CNTNAP2: variants seen among roughly 807,000 people sequenced by gnomAD.
CNTNAP2 encodes contactin associated protein 2.
A neutral mutation model predicts 155.2 loss-of-function variants in CNTNAP2; 98 were observed. The observed-to-expected ratio is 0.63, with a 90% CI of 0.54 to 0.75. The LOEUF (loss-of-function observed/expected upper bound fraction) is 0.75. Among genes scored for constraint, CNTNAP2 ranks in the 30% least tolerant of loss-of-function variants. The probability of loss-of-function intolerance (pLI) is 0.00; values close to 1 mark genes in which losing one functional copy is unlikely to be tolerated. For synonymous variants in CNTNAP2, 651 were observed against 631.2 expected (o/e 1.03, Z -0.47); for missense variants, 1,727 against 1,688.1 (o/e 1.02, Z -0.40).
At chr7:148,035,806 C>T (rs769161025) in intron 15 of CNTNAP2, among the ~76,000 whole-genome samples, 10 of 152,188 alleles carry the variant, frequency 6.6e-5, no homozygotes, top group Non-Finnish European at 1.3e-4. Flanking sequence ...AAACTCCAAC[C>T]CATGAGAGCT....
intron 13 of CNTNAP2, among the ~76,000 whole-genome samples, chr7:147,686,720 G>A (rs1796022026): frequency 6.6e-6 from 1 of 151,944 alleles, no homozygotes; most frequent in Non-Finnish European, 1.5e-5. Flanking sequence ...GAGGACTGAT[G>A]TTTCTGCTAA....
At chr7:146,652,832 G>A (rs547262174) in intron 1 of CNTNAP2, among the ~76,000 whole-genome samples, 1 of 152,192 alleles carries the variant, frequency 6.6e-6, no homozygotes, top group East Asian at 1.9e-4. Flanking sequence ...GGAAAAAGAA[G>A]GCAACTGTAT....
At position 147,895,030 on chromosome 7, in the gene CNTNAP2, G is replaced by A. The variant is rs1051839691; in HGVS notation, c.2099-8535G>A. Among the ~76,000 whole-genome samples, 3 of 129,268 alleles carry A rather than the reference G, an allele frequency of 2.3e-5. No individual in the cohort carries two copies. In the Admixed American group the frequency reaches 2.8e-4, roughly 12 times the overall value. The allele number at this position is 129,268 out of a possible 152,430, so 84.8% of individuals were successfully genotyped here. Reference sequence around the variant, plus strand: ...CTGTCGCCCAGGCTGGAGTGCAGTGGCACAATCTCAGCTCACTGCAAACTC... The same window carrying A: ...CTGTCGCCCAGGCTGGAGTGCAGTGACACAATCTCAGCTCACTGCAAACTC... On this transcript the variant is annotated intron_variant, in intron 13 of 23. Transcript: ENST00000361727.
intron 3 of CNTNAP2, among the ~76,000 whole-genome samples, chr7:146,853,044 C>T (rs1017550458): frequency 6.6e-6 from 1 of 152,050 alleles, no homozygotes; most frequent in Non-Finnish European, 1.5e-5. Flanking sequence ...CATTCAGGCT[C>T]TTTACATTCA....
At chr7:147,944,064 A>C (rs911000143) in intron 14 of CNTNAP2, among the ~76,000 whole-genome samples, 2 of 152,326 alleles carry the variant, frequency 1.3e-5, no homozygotes, top group East Asian at 3.9e-4. Flanking sequence ...GAAGTTTCCC[A>C]GTCTATCAAT....
intron 10 of CNTNAP2, among the ~76,000 whole-genome samples, chr7:147,415,977 C>T (rs755054965): frequency 1.1e-4 from 17 of 152,114 alleles, no homozygotes; most frequent in Admixed American, 2.0e-4. Flanking sequence ...ACCCAAACGC[C>T]CTGCATTAAA....
intron 15 of CNTNAP2, among the ~76,000 whole-genome samples, chr7:148,026,723 C>T (rs1443609457): frequency 1.3e-5 from 2 of 152,114 alleles, no homozygotes; most frequent in African/African-American, 2.4e-5. Flanking sequence ...CTACAAGACT[C>T]AAGTTTAAAA....
chr7:146,812,432 TATATATATAAAAA>T (rs1803083019), intron 2 of CNTNAP2, among the ~76,000 whole-genome samples: 1 of 143,188 alleles, frequency 7.0e-6, no homozygotes, highest in African/African-American at 2.7e-5. Context: ...TTTATATGTA[TATATATATAAAAA>T]ATATATATAT....
chr7:147,205,044 T>G (rs759079734), intron 8 of CNTNAP2, among the ~76,000 whole-genome samples: 2 of 152,178 alleles, frequency 1.3e-5, no homozygotes, highest in Non-Finnish European at 2.9e-5. Flanking sequence ...TGTAGTACAC[T>G]ATGAAGTTCA....
chr7:147,415,382 G>A (rs1263873561), intron 10 of CNTNAP2, among the ~76,000 whole-genome samples: 3 of 152,202 alleles, frequency 2.0e-5, no homozygotes, highest in African/African-American at 4.8e-5. Flanking sequence ...TAATCCCCAC[G>A]TGTCAAGGGA....
chr7:147,421,663 A>G (rs1797293442), intron 10 of CNTNAP2, among the ~76,000 whole-genome samples: 1 of 151,546 alleles, frequency 6.6e-6, no homozygotes, highest in Non-Finnish European at 1.5e-5. Flanking sequence ...AGATATTGAT[A>G]TAGTTTGGAT....
intron 1 of CNTNAP2, among the ~76,000 whole-genome samples, chr7:146,664,876 A>G (rs945484195): frequency 2.0e-5 from 3 of 152,118 alleles, no homozygotes; most frequent in South Asian, 2.1e-4. Context: ...GTATCTTTGC[A>G]TGTGTCGACT....
chr7:147,292,943 T>C (rs1388837813), intron 8 of CNTNAP2, among the ~76,000 whole-genome samples: 1 of 152,134 alleles, frequency 6.6e-6, no homozygotes, highest in East Asian at 1.9e-4. Context: ...TAATTTTGTA[T>C]TTTTAGTAGA....
At chr7:147,119,020 C>T (rs1034467742) in intron 5 of CNTNAP2, among the ~76,000 whole-genome samples, 3 of 151,850 alleles carry the variant, frequency 2.0e-5, no homozygotes, top group Admixed American at 6.6e-5. Context: ...AAAACAAGAC[C>T]CAATAGAGGA....
intron 1 of CNTNAP2, among the ~76,000 whole-genome samples, chr7:146,185,761 C>CCTTTTT (rs1554400925): frequency 1.3e-4 from 12 of 94,888 alleles, no homozygotes; most frequent in African/African-American, 2.8e-4. Context: ...TTTTATTATT[C>CCTTTTT]TTTTTTTTTT....
At chr7:146,741,293 T>A (rs949844036) in intron 1 of CNTNAP2, among the ~76,000 whole-genome samples, 2 of 152,180 alleles carry the variant, frequency 1.3e-5, no homozygotes, top group African/African-American at 4.8e-5. Flanking sequence ...CAGATTGATG[T>A]TTCTGTGAAG....
chr7:147,855,960 A>G (rs1480051584), intron 13 of CNTNAP2, among the ~76,000 whole-genome samples: 1 of 152,140 alleles, frequency 6.6e-6, no homozygotes, highest in African/African-American at 2.4e-5. Context: ...CAGAAGTGAA[A>G]CTGTGTCCCC....
chr7:148,371,785 G>A (rs1458690241), intron 21 of CNTNAP2, among the ~76,000 whole-genome samples: 2 of 152,198 alleles, frequency 1.3e-5, no homozygotes, highest in East Asian at 3.8e-4. Flanking sequence ...CTGTGCTACA[G>A]CCCATTGCTC....
At chr7:147,075,028 A>G (rs1248219914) in intron 4 of CNTNAP2, among the ~76,000 whole-genome samples, 1 of 152,196 alleles carries the variant, frequency 6.6e-6, no homozygotes, top group East Asian at 1.9e-4. Context: ...GAAGTTGTCA[A>G]ACACCGTTAA....
Sources: allele counts gnomAD v4.1 joint callset (sites outside exome capture counted in the v4.1 genomes callset), GRCh38; gene constraint gnomAD v4.1.1; transcripts MANE v1.5; gene names NCBI Gene and HGNC (gene_info 2026-07-23, HGNC 2026-07-21).